PPM1E: variants seen among roughly 807,000 people sequenced by gnomAD.
The protein encoded by PPM1E is protein phosphatase 1E.
A neutral mutation model predicts 65.9 loss-of-function variants in PPM1E; 20 were observed. The observed-to-expected ratio is 0.30, with a 90% CI of 0.21 to 0.44. The LOEUF (loss-of-function observed/expected upper bound fraction) is 0.44. Among genes scored for constraint, PPM1E ranks in the 20% least tolerant of loss-of-function variants. The pLI, the probability that PPM1E is intolerant of heterozygous loss-of-function variation, is 1.00. For synonymous variants in PPM1E, 352 were observed against 374.9 expected (o/e 0.94, Z 0.70); for missense variants, 713 against 953.1 (o/e 0.75, Z 3.32).
At chr17:58,839,631 C>T (rs2050697565) in intron 1 of PPM1E, among the ~76,000 whole-genome samples, 1 of 152,094 alleles carries the variant, frequency 6.6e-6, no homozygotes, top group Non-Finnish European at 1.5e-5. Flanking sequence ...AAATAGATAG[C>T]AGATAGTGGG....
intron 1 of PPM1E, among the ~76,000 whole-genome samples, chr17:58,799,586 G>T (rs1386166221): frequency 6.6e-6 from 1 of 152,192 alleles, no homozygotes; most frequent in Non-Finnish European, 1.5e-5. Context: ...GGGACTACAG[G>T]TGTGCACCGC....
intron 1 of PPM1E, among the ~76,000 whole-genome samples, chr17:58,829,058 T>C (rs1174534660): frequency 1.3e-5 from 2 of 152,160 alleles, no homozygotes; most frequent in Non-Finnish European, 2.9e-5. Flanking sequence ...TTCTTTTTTT[T>C]TGAGACGGAG....
chr17:58,795,069 T>C (rs1158917817), intron 1 of PPM1E, among the ~76,000 whole-genome samples: 2 of 151,968 alleles, frequency 1.3e-5, no homozygotes, highest in East Asian at 3.9e-4. Context: ...TCTTTGTATC[T>C]ACAGTAGAGA....
chr17:58,805,977 AAAAAAAACAAAAC>A (rs2050306963), intron 1 of PPM1E, among the ~76,000 whole-genome samples: 9 of 109,824 alleles, frequency 8.2e-5, no homozygotes, highest in African/African-American at 1.7e-4. Flanking sequence ...AAAAAAACAA[AAAAAAAACAAAAC>A]AAAACAAAAC....
At chr17:58,863,202 C>T (rs903603321) in intron 1 of PPM1E, among the ~76,000 whole-genome samples, 3 of 152,208 alleles carry the variant, frequency 2.0e-5, no homozygotes, top group Admixed American at 6.5e-5. Flanking sequence ...TGGTGGCTCA[C>T]GCCTGTAATC....
intron 1 of PPM1E, among the ~76,000 whole-genome samples, chr17:58,759,712 A>C (rs1320198073): frequency 6.6e-6 from 1 of 152,218 alleles, no homozygotes; most frequent in Non-Finnish European, 1.5e-5. Flanking sequence ...CCAATATCCC[A>C]AGAGTCTGGC....
chr17:58,821,051 T>A (rs1487876996), intron 1 of PPM1E, among the ~76,000 whole-genome samples: 1 of 152,104 alleles, frequency 6.6e-6, no homozygotes, highest in African/African-American at 2.4e-5. Context: ...ATTATTATTA[T>A]ATATAATTAA....
At chr17:58,889,575 G>A (rs568232910) in intron 1 of PPM1E, among the ~76,000 whole-genome samples, 73 of 152,242 alleles carry the variant, frequency 4.8e-4, no homozygotes, top group African/African-American at 1.7e-3. Flanking sequence ...CTGCAGCCTG[G>A]CAATAGATCG....
chr17:58,796,876 C>T (rs1331328988), intron 1 of PPM1E, among the ~76,000 whole-genome samples: 3 of 152,042 alleles, frequency 2.0e-5, no homozygotes, highest in Non-Finnish European at 2.9e-5. Flanking sequence ...GAGGCTGAGG[C>T]GGGTGGATCA....
chr17:58,823,459 A>T (rs753238650), intron 1 of PPM1E, among the ~76,000 whole-genome samples: 5 of 152,210 alleles, frequency 3.3e-5, no homozygotes, highest in African/African-American at 4.8e-5. Context: ...GATATGTTTT[A>T]TATCAAAATA....
At chr17:58,797,691 CTT>C (rs2050219829) in intron 1 of PPM1E, among the ~76,000 whole-genome samples, 1 of 152,104 alleles carries the variant, frequency 6.6e-6, no homozygotes, top group Admixed American at 6.6e-5. Context: ...TCGTGCAAGT[CTT>C]TTTGTGGACA....
chr17:58,951,673 TAA>T (rs201816613), intron 1 of PPM1E, among the ~76,000 whole-genome samples: 21 of 129,660 alleles, frequency 1.6e-4, no homozygotes, highest in Admixed American at 1.6e-4. Flanking sequence ...AGACTCTCTT[TAA>T]AAAAAAAAAA....
At chr17:58,881,795 A>T (rs1381048532) in intron 1 of PPM1E, among the ~76,000 whole-genome samples, 1 of 151,750 alleles carries the variant, frequency 6.6e-6, no homozygotes, top group Non-Finnish European at 1.5e-5. Flanking sequence ...TTGAGCCGAG[A>T]TTGTGCCACT....
chr17:58,805,540 G>A (rs567063893), intron 1 of PPM1E, among the ~76,000 whole-genome samples: 11 of 152,196 alleles, frequency 7.2e-5, no homozygotes, highest in South Asian at 2.1e-4. Flanking sequence ...GTGAGCCACC[G>A]TGCCCGGCCC....
chr17:58,837,179 G>A (rs960381642), intron 1 of PPM1E, among the ~76,000 whole-genome samples: 6 of 149,014 alleles, frequency 4.0e-5, no homozygotes, highest in Admixed American at 1.3e-4. Context: ...GAGCCCAGGA[G>A]TTGGAGGTTA....
chr17:58,875,453 TTTTC>T (rs1322222791), intron 1 of PPM1E, among the ~76,000 whole-genome samples: 5 of 152,176 alleles, frequency 3.3e-5, no homozygotes, highest in African/African-American at 7.2e-5. Context: ...AAGCAATGCT[TTTTC>T]TTTGTTTCAA....
intron 1 of PPM1E, among the ~76,000 whole-genome samples, chr17:58,943,395 A>G (rs1343355667): frequency 6.6e-6 from 1 of 152,226 alleles, no homozygotes; most frequent in African/African-American, 2.4e-5. Context: ...GATGAACTAA[A>G]TGGTTCTTTC....
intron 1 of PPM1E, among the ~76,000 whole-genome samples, chr17:58,901,094 CAGCA>C (rs1199386291): frequency 6.6e-6 from 1 of 152,160 alleles, no homozygotes; most frequent in Non-Finnish European, 1.5e-5. Flanking sequence ...CATCATGCCA[CAGCA>C]TGATGCTTTA....
At chr17:58,825,106 C>T (rs2050520479) in intron 1 of PPM1E, among the ~76,000 whole-genome samples, 1 of 151,770 alleles carries the variant, frequency 6.6e-6, no homozygotes, top group Admixed American at 6.6e-5. Flanking sequence ...ATCAAAATCT[C>T]CCAAATCACC....
Sources: allele counts gnomAD v4.1 joint callset (sites outside exome capture counted in the v4.1 genomes callset), GRCh38; gene constraint gnomAD v4.1.1; transcripts MANE v1.5; gene names NCBI Gene and HGNC (gene_info 2026-07-23, HGNC 2026-07-21).